SLCO5A1: variants seen among roughly 807,000 people sequenced by gnomAD.
SLCO5A1 encodes organic anion transporter polypeptide-related protein 4.
SLCO5A1 carries 39 observed loss-of-function variants against 65.1 expected under a neutral mutation model. The observed-to-expected ratio is 0.60, with a 90% CI of 0.46 to 0.78. SLCO5A1 has a LOEUF of 0.78. Among genes scored for constraint, SLCO5A1 ranks in the 30% least tolerant of loss-of-function variants. SLCO5A1 has a pLI of 0.00. For synonymous variants in SLCO5A1, 438 were observed against 415.7 expected, an observed-to-expected ratio of 1.05 and a Z score of -0.65; for missense variants, 1,029 against 1,069.4, an observed-to-expected ratio of 0.96 and a Z score of 0.53.
chr8:69,667,669 A>G lies in SLCO5A1; in HGVS notation c.*5200T>C, dbSNP rs1017072471. 6.6e-6 allele frequency: 1 copy of G among 152,352 alleles called. No homozygotes were observed. The highest frequency in any genetic ancestry group is 1.5e-5 in the Non-Finnish European group (1 of 68,028). 9.4% of individuals were successfully genotyped at this position (152,352 alleles called of 1,614,324 possible). On this transcript the variant is annotated 3_prime_UTR_variant, in exon 10 of 10. Transcript: ENST00000260126. ...ATGTAGTGATAGGATACCAGAAAAG[A>G]TAACACCTTCAAAACCCCAGTGTTA...
chr8:69,676,798 A>G (rs1159723324), intron 8 of SLCO5A1, 125 bp from the exon 9 acceptor site: 3 of 658,272 alleles, frequency 4.6e-6, no homozygotes, highest in African/African-American at 3.7e-5. Flanking sequence ...TTAATTCACT[A>G]TTATTTACTA....
chr8:69,770,076 G>A (rs575930272), intron 2 of SLCO5A1, among the ~76,000 whole-genome samples: 143 of 152,192 alleles, frequency 9.4e-4, no homozygotes, highest in African/African-American at 2.1e-3. Context: ...TTATTGTTCC[G>A]TAATTATGTT....
intron 2 of SLCO5A1, among the ~76,000 whole-genome samples, chr8:69,765,401 T>C (rs975506136): frequency 2.0e-3 from 300 of 149,720 alleles, no homozygotes; most frequent in South Asian, 3.2e-3. Flanking sequence ...TATATATATA[T>C]ACACACACAC....
intron 2 of SLCO5A1, chr8:69,772,782 G>T: frequency 3.9e-6 from 1 of 257,864 alleles, no homozygotes; most frequent in Non-Finnish European, 6.1e-6. Context: ...CTCCTTCCTG[G>T]CCTTATGCCC....
At chr8:69,747,830 C>T (rs1409528807) in intron 4 of SLCO5A1, among the ~76,000 whole-genome samples, 2 of 152,170 alleles carry the variant, frequency 1.3e-5, no homozygotes, top group Non-Finnish European at 2.9e-5. Context: ...CTTCTATGGC[C>T]TGTGAATCTT....
At position 69,805,286 on chromosome 8, in the gene SLCO5A1, A is replaced by G. The variant is rs1047874800; in HGVS notation, c.907+26481T>C. ...CAAAAACTCTCACAGGGAAATCCCA[A>G]TGGCCACTCTAATGTTCTCAAATAA... On this transcript the variant is annotated intron_variant, in intron 2 of 9. Transcript: ENST00000260126. Among the ~76,000 whole-genome samples the G allele has an allele frequency of 2.7e-4, 41 of 152,114 alleles. 1 individual carries two copies. The highest frequency in any genetic ancestry group is 5.2e-4 in the Admixed American group (8 of 15,262).
intron 2 of SLCO5A1, among the ~76,000 whole-genome samples, chr8:69,764,057 G>T (rs1817936300): frequency 1.3e-5 from 2 of 152,082 alleles, no homozygotes; most frequent in Admixed American, 6.5e-5. Flanking sequence ...TAGAGACAGG[G>T]TTTTACCACG....
At chr8:69,808,420 T>C (rs193209520) in intron 2 of SLCO5A1, among the ~76,000 whole-genome samples, 2 of 152,310 alleles carry the variant, frequency 1.3e-5, no homozygotes, top group East Asian at 1.9e-4. Context: ...CATGTGCTAA[T>C]TGGTTTTCTA....
At chr8:69,812,922 T>C (rs1820266959) in intron 2 of SLCO5A1, among the ~76,000 whole-genome samples, 1 of 152,242 alleles carries the variant, frequency 6.6e-6, no homozygotes, top group South Asian at 2.1e-4. Context: ...TGTTAAAAGT[T>C]GCTGCTGTCC....
At chr8:69,699,224 C>T (rs1814621303) in intron 6 of SLCO5A1, among the ~76,000 whole-genome samples, 1 of 152,140 alleles carries the variant, frequency 6.6e-6, no homozygotes, top group Non-Finnish European at 1.5e-5. Flanking sequence ...GCACCAAAGG[C>T]TCTGGCATAA....
chr8:69,808,954 A>G (rs994328101), intron 2 of SLCO5A1, among the ~76,000 whole-genome samples: 5 of 152,118 alleles, frequency 3.3e-5, no homozygotes, highest in Non-Finnish European at 7.4e-5. Flanking sequence ...AAAATACAAA[A>G]TTAGCCAGGC....
chr8:69,739,677 A>G (rs561954962), intron 4 of SLCO5A1, among the ~76,000 whole-genome samples: 3 of 152,266 alleles, frequency 2.0e-5, no homozygotes, highest in East Asian at 3.9e-4. Context: ...TTAATGTTCT[A>G]TATTTTAATT....
chr8:69,816,401 T>G (rs1311369535), intron 2 of SLCO5A1, among the ~76,000 whole-genome samples: 1 of 152,212 alleles, frequency 6.6e-6, no homozygotes, highest in Non-Finnish European at 1.5e-5. Context: ...GTGAAGAACC[T>G]GCACCACCTG....
intron 4 of SLCO5A1, 53 bp from the exon 5 acceptor site, chr8:69,738,257 A>G: frequency 6.8e-7 from 1 of 1,475,684 alleles, no homozygotes; most frequent in Non-Finnish European, 9.1e-7. Context: ...GATGGAAAAC[A>G]AAATAAAACT....
In SLCO5A1 at chr8:69,755,535, T is replaced by G; in HGVS notation, c.1147A>C (p.Lys383Gln). 1 of 1,614,008 alleles carries G rather than the reference T, an allele frequency of 6.2e-7. No homozygotes were observed. Among genetic ancestry groups the G allele is most frequent in the Non-Finnish European group, 8.5e-7 (1 of 1,179,922 alleles). ...PPRHKKKKKK[K>Q]FSVDAVSDDD... ...TCACTAACAGCATCAACAGAAAATT[T>G]TTTCTTTTTCTTTTTCTTGTGTCGA... The change falls in exon 4 of 10, where the codon AAA becomes CAA. Residue 383 changes from lysine to glutamine, a missense_variant. Physicochemically the swap from Lys to Gln is moderately conservative, Grantham distance 53. Coordinates refer to ENST00000260126, the MANE Select transcript of SLCO5A1 (RefSeq NM_030958.3).
At chr8:69,676,583 G>A in intron 9 of SLCO5A1, 26 bp downstream of exon 9, 1 of 1,604,748 alleles carries the variant, frequency 6.2e-7, no homozygotes, top group Non-Finnish European at 8.5e-7. Context: ...GAACTAAGAG[G>A]TACACTTGGA....
At chr8:69,799,083 A>C (rs1819622861) in intron 2 of SLCO5A1, among the ~76,000 whole-genome samples, 1 of 152,252 alleles carries the variant, frequency 6.6e-6, no homozygotes, top group Non-Finnish European at 1.5e-5. Context: ...TGGTTTAAAT[A>C]ATTCTTTAAC....
In SLCO5A1 at chr8:69,832,855, C is replaced by G. The variant is rs1219500876; in HGVS notation, c.-182G>C. ...TGCGAGGCGCCCAGTGCATCCTGAT[C>G]ACAGACACGGCTTCAAGGCTCCGCA... On this transcript the variant is annotated 5_prime_UTR_variant, in exon 2 of 10. Transcript: ENST00000260126. This position sits in a 1 kb window ranked among gnomAD's most constrained non-coding sequence, Gnocchi z 4.5. The G allele has an allele frequency of 3.0e-6, 2 of 677,344 alleles. No individual in the cohort carries two copies. The highest frequency in any genetic ancestry group is 4.9e-6 in the Non-Finnish European group (2 of 411,762). The allele number at this position is 677,344 out of a possible 1,614,324, so 42.0% of individuals were successfully genotyped here. A position where few individuals can be genotyped will look rare whatever the true frequency, so the allele number is the denominator to read the frequency against.
At chr8:69,822,068 G>A (rs1206170995) in intron 2 of SLCO5A1, among the ~76,000 whole-genome samples, 1 of 152,172 alleles carries the variant, frequency 6.6e-6, no homozygotes, top group Non-Finnish European at 1.5e-5. Context: ...AGAGGTTGCA[G>A]TGAGGCAAGA....
Sources: gnomAD v4.1 joint callset for allele counts (sites outside exome capture counted in the v4.1 genomes callset) on GRCh38, gnomAD v4.1.1 for gene constraint, Gnocchi (gnomAD v3.1) non-coding constraint, MANE v1.5 for transcripts, NCBI Gene and HGNC (gene_info 2026-07-23, HGNC 2026-07-21) for gene names.